Variants in CCSER2 observed in about 807,000 individuals in gnomAD.
CCSER2 encodes serine-rich coiled-coil domain-containing protein 2.
Under a neutral mutation model 92.3 loss-of-function variants are expected in CCSER2, and 46 were observed. That is an observed-to-expected ratio of 0.50 (90% confidence interval 0.39 to 0.64). The LOEUF (loss-of-function observed/expected upper bound fraction) is 0.64, where lower values mean the gene tolerates loss of function less well. Among genes scored for constraint, CCSER2 ranks in the 30% least tolerant of loss-of-function variants. The pLI, the probability that CCSER2 is intolerant of heterozygous loss-of-function variation, is 0.00. For synonymous variants in CCSER2, 433 were observed against 431.4 expected (o/e 1.00, Z -0.04); for missense variants, 1,244 against 1,238.9 (o/e 1.00, Z -0.06).
intron 9 of CCSER2, among the ~76,000 whole-genome samples, chr10:84,491,864 A>T (rs1268899668): frequency 2.0e-5 from 3 of 152,092 alleles, no homozygotes; most frequent in Admixed American, 2.0e-4. Flanking sequence ...AGCTGTTCCT[A>T]TTCGGCCATC....
chr10:84,363,473 T>C (rs896663063), intron 1 of CCSER2, among the ~76,000 whole-genome samples: 1 of 152,234 alleles, frequency 6.6e-6, no homozygotes, highest in Admixed American at 6.5e-5. Context: ...TAACTGCTTA[T>C]ACGTGTGTAG....
At position 84,514,533 on chromosome 10, in the gene CCSER2, C is replaced by T. The variant is rs1443731616; in HGVS notation, c.*266C>T. The T allele has an allele frequency of 4.4e-6, 2 of 459,462 alleles. No individual in the cohort carries two copies. Among genetic ancestry groups the T allele is most frequent in the Non-Finnish European group, 7.7e-6 (2 of 261,232 alleles). The allele number at this position is 459,462 out of a possible 1,614,324, so 28.5% of individuals were successfully genotyped here. On this transcript the variant is annotated 3_prime_UTR_variant, in exon 10 of 10. Transcript: ENST00000372088. ...CTGCCAAAGGCCCAAATCATGTTAT[C>T]CATCCCTCTCCACGTCAGAAAATTC...
intron 5 of CCSER2, among the ~76,000 whole-genome samples, chr10:84,431,575 ACAAAAAAAT>A (rs1161982519): frequency 6.6e-6 from 1 of 152,014 alleles, no homozygotes; most frequent in Non-Finnish European, 1.5e-5. Context: ...CCTCGTTTTG[ACAAAAAAAT>A]CAAAAAAATT....
chr10:84,387,365 C>T (rs548387494), intron 3 of CCSER2, among the ~76,000 whole-genome samples: 1 of 152,082 alleles, frequency 6.6e-6, no homozygotes, highest in Non-Finnish European at 1.5e-5. Flanking sequence ...TGCTGTGATA[C>T]TGACTTAGTG....
At chr10:84,356,372 T>C (rs1845171920) in intron 1 of CCSER2, among the ~76,000 whole-genome samples, 1 of 152,280 alleles carries the variant, frequency 6.6e-6, no homozygotes, top group South Asian at 2.1e-4. Flanking sequence ...TTTTAAAAAA[T>C]GTTAAGGTAT....
chr10:84,352,434 G>A (rs2133074632), intron 1 of CCSER2, among the ~76,000 whole-genome samples: 1 of 152,214 alleles, frequency 6.6e-6, no homozygotes, highest in Non-Finnish European at 1.5e-5. Context: ...TGGCCATTAG[G>A]TGGCAGTGTC....
intron 1 of CCSER2, among the ~76,000 whole-genome samples, chr10:84,337,675 A>T (rs1843915209): frequency 6.6e-6 from 1 of 152,158 alleles, no homozygotes; most frequent in Non-Finnish European, 1.5e-5. Context: ...ATTCTTATTT[A>T]CATACTGTAA....
intron 6 of CCSER2, among the ~76,000 whole-genome samples, chr10:84,453,071 G>A (rs1347017162): frequency 1.3e-5 from 2 of 152,096 alleles, no homozygotes; most frequent in African/African-American, 4.8e-5. Context: ...ATAAAAAGGA[G>A]CAGAATTTTT....
rs61866510 is a variant in CCSER2, at chr10:84,486,217, C to T, written c.2325+8553C>T. On this transcript the variant is annotated intron_variant, in intron 9 of 9. Transcript: ENST00000372088. The stretch of plus-strand genomic sequence containing the variant: ...TGCAGTAAACATACGTGTGCATGTG[C>T]CTTTATAGCAGCATGATTTATAATC... Among the ~76,000 whole-genome samples, 412 of 152,142 alleles carry T rather than the reference C, an allele frequency of 2.7e-3. 2 individuals are homozygous for T. Among genetic ancestry groups the T allele is most frequent in the African/African-American group, 9.2e-3 (381 of 41,490 alleles).
chr10:84,458,861 AT>A (rs369996108), intron 6 of CCSER2, among the ~76,000 whole-genome samples: 144 of 150,974 alleles, frequency 9.5e-4, no homozygotes, highest in African/African-American at 3.3e-3. Context: ...GTTATTTTGG[AT>A]TTTTTTCCCT....
At position 84,474,849 on chromosome 10, in the gene CCSER2, G is replaced by A. The variant is rs183278730; in HGVS notation, c.2236-2726G>A. ...CATATCTTATGATGTTTTAAGTTCC[G>A]AGTAAAAGTCCCTAACTAAAAGTGA... On this transcript the variant is annotated intron_variant, in intron 8 of 9. Coordinates refer to ENST00000372088, the MANE Select transcript of CCSER2 (RefSeq NM_001284240.2). 1.2e-4 allele frequency among the ~76,000 whole-genome samples: 18 copies of A among 152,180 alleles called. No homozygotes were observed. The East Asian group carries it at 1.4e-3, about 11-fold the overall frequency.
intron 6 of CCSER2, among the ~76,000 whole-genome samples, chr10:84,444,482 C>T (rs548128145): frequency 1.3e-5 from 2 of 152,144 alleles, no homozygotes; most frequent in African/African-American, 4.8e-5. Flanking sequence ...GTAATATTGG[C>T]TTCACCCTCA....
intron 1 of CCSER2, among the ~76,000 whole-genome samples, chr10:84,355,582 TAC>T (rs1350563993): frequency 3.8e-4 from 58 of 152,340 alleles, no homozygotes; most frequent in African/African-American, 1.4e-3. Context: ...TTCTCTTGTC[TAC>T]ATGTCTTTTC....
intron 9 of CCSER2, among the ~76,000 whole-genome samples, chr10:84,481,178 G>T (rs1406425782): frequency 6.6e-6 from 1 of 152,108 alleles, no homozygotes; most frequent in African/African-American, 2.4e-5. Flanking sequence ...AAGGGCAGGA[G>T]GGTTACCCCT....
chr10:84,446,198 AT>A (rs746212691), intron 6 of CCSER2, among the ~76,000 whole-genome samples: 27 of 152,140 alleles, frequency 1.8e-4, no homozygotes, highest in Non-Finnish European at 2.6e-4. Flanking sequence ...TCTTCCTAAC[AT>A]TTTATTTGCA....
intron 4 of CCSER2, among the ~76,000 whole-genome samples, chr10:84,420,439 T>G (rs1217651755): frequency 2.0e-5 from 3 of 152,196 alleles, no homozygotes; most frequent in Admixed American, 6.5e-5. Flanking sequence ...GGTTTGGTAC[T>G]ATAGGAAAGT....
chr10:84,393,341 C>T (rs1269866622), intron 3 of CCSER2, among the ~76,000 whole-genome samples: 3 of 152,050 alleles, frequency 2.0e-5, no homozygotes, highest in Non-Finnish European at 2.9e-5. Flanking sequence ...ATTTAAATTA[C>T]GTGGTAAAAG....
chr10:84,503,590 A>G (rs1564731720), intron 9 of CCSER2, among the ~76,000 whole-genome samples: 1 of 152,244 alleles, frequency 6.6e-6, no homozygotes. Flanking sequence ...AATTCCAAAT[A>G]GCATTTCTTG....
chr10:84,355,005 A>G (rs1206479367), intron 1 of CCSER2, among the ~76,000 whole-genome samples: 1 of 152,010 alleles, frequency 6.6e-6, no homozygotes, highest in African/African-American at 2.4e-5. Context: ...TGTGACAAAA[A>G]TTCTTTAGAT....
Sources: allele counts gnomAD v4.1 joint callset (sites outside exome capture counted in the v4.1 genomes callset), GRCh38; gene constraint gnomAD v4.1.1; transcripts MANE v1.5; gene names NCBI Gene and HGNC (gene_info 2026-07-23, HGNC 2026-07-21).